Variants in PLOD1 observed in about 807,000 individuals in gnomAD.
PLOD1 encodes the protein lysine hydroxylase.
Under a neutral mutation model 94.7 loss-of-function variants are expected in PLOD1, and 70 were observed. The observed-to-expected ratio is 0.74, with a 90% CI of 0.61 to 0.90. The LOEUF (loss-of-function observed/expected upper bound fraction) is 0.90, where lower values mean the gene tolerates loss of function less well. Ranked by LOEUF, PLOD1 falls within the 40% of genes least tolerant of loss-of-function variation. PLOD1 has a pLI of 0.00. For synonymous variants in PLOD1, 417 were observed against 400.2 expected (o/e 1.04, Z -0.50); for missense variants, 905 against 972.7 (o/e 0.93, Z 0.93).
At position 11,963,746 on chromosome 1, in the gene PLOD1, CT is replaced by C; in HGVS notation, c.1202+115del. The stretch of plus-strand genomic sequence containing the variant: ...TCCTCATCCACCTCCTCTTCCTCCT[CT>C]TTTTCCTTCTCCTGCTCCTCTTTCT... On this transcript the variant is annotated intron_variant, in intron 11 of 18. Coordinates refer to ENST00000196061, the MANE Select transcript of PLOD1 (RefSeq NM_000302.4). The surrounding 1 kb of genome is among the most constrained non-coding windows in gnomAD (Gnocchi z 4.3). The C allele has an allele frequency of 1.4e-6, 1 of 724,084 alleles. No individual in the cohort carries two copies. Among genetic ancestry groups the C allele is most frequent in the East Asian group, 2.7e-5 (1 of 37,468 alleles). 44.9% of individuals were successfully genotyped at this position (724,084 alleles called of 1,614,324 possible).
Position 11,974,963 on chromosome 1 carries a change from A to G in PLOD1, c.*155A>G. Reference sequence around the variant, plus strand: ...CCACCAATCAAAGAGATTCAAAGAGATTCCTGCAGGCCAGAGGCGGAACAC... The same window carrying G: ...CCACCAATCAAAGAGATTCAAAGAGGTTCCTGCAGGCCAGAGGCGGAACAC... On this transcript the variant is annotated 3_prime_UTR_variant, in exon 19 of 19. Coordinates refer to ENST00000196061, the MANE Select transcript of PLOD1 (RefSeq NM_000302.4). 2 of 789,552 alleles carry G rather than the reference A, an allele frequency of 2.5e-6. No individual in the cohort carries two copies. The highest frequency in any genetic ancestry group is 4.5e-6 in the Non-Finnish European group (2 of 444,742). 48.9% of individuals were successfully genotyped at this position (789,552 alleles called of 1,614,324 possible).
At chr1:11,935,544 C>CA (rs1645572244) in intron 1 of PLOD1, among the ~76,000 whole-genome samples, 1 of 151,492 alleles carries the variant, frequency 6.6e-6, no homozygotes. Flanking sequence ...ATTTTTGAGA[C>CA]AGAGTCTTGC....
rs757418080 is a variant in PLOD1, at chr1:11,957,067, T to C, written c.741+53T>C. Reference sequence around the variant, plus strand: ...GTGGGAGGGGGCCAGAGCCCTAATTTCATTCTCACTGTGACCCCACAGTGT... The same window carrying C: ...GTGGGAGGGGGCCAGAGCCCTAATTCCATTCTCACTGTGACCCCACAGTGT... On this transcript the variant is annotated intron_variant, in intron 7 of 18. Coordinates refer to ENST00000196061, the MANE Select transcript of PLOD1 (RefSeq NM_000302.4). The surrounding 1 kb of genome is among the most constrained non-coding windows in gnomAD (Gnocchi z 4.1). 1 of 1,178,720 alleles carries C rather than the reference T, an allele frequency of 8.5e-7. No individual in the cohort carries two copies. Among genetic ancestry groups the C allele is most frequent in the East Asian group, 2.3e-5 (1 of 42,934 alleles). The allele number at this position is 1,178,720 out of a possible 1,614,324, so 73.0% of individuals were successfully genotyped here. A position where few individuals can be genotyped will look rare whatever the true frequency, so the allele number is the denominator to read the frequency against.
chr1:11,935,045 C>T (rs1285579295), intron 1 of PLOD1, among the ~76,000 whole-genome samples, 190 bp downstream of exon 1: 2 of 152,152 alleles, frequency 1.3e-5, no homozygotes, highest in South Asian at 2.1e-4. Context: ...GTTCCTGCTT[C>T]GGGAAGGAAA....
chr1:11,948,034 G>A lies in PLOD1; in HGVS notation c.135G>A (p.Lys45=), dbSNP rs765354146. ...AGACCGAGGGATTCCGTCGCTTCAA[G>A]CGCTCAGCTCAGTTCTTCAACTACA... ...TKETEGFRRF[K]RSAQFFNYKI... The change falls in exon 2 of 19, where the codon AAG becomes AAA. Residue 45 remains lysine, a synonymous_variant. Transcript: ENST00000196061. 86 of 1,613,812 alleles carry A rather than the reference G, an allele frequency of 5.3e-5. No homozygotes were observed. The highest frequency in any genetic ancestry group is 7.2e-5 in the Non-Finnish European group (85 of 1,179,834).
In PLOD1 at chr1:11,966,333, C is replaced by A; in HGVS notation, c.1650+17C>A. On this transcript the variant is annotated intron_variant, in intron 15 of 18. Transcript: ENST00000196061. ...GTGGAGACGGTAAGGGCCATGGACACCCTCTTGGACCAGCCTTGCCTGCTG... is the reference window on the plus strand; with the variant it reads ...GTGGAGACGGTAAGGGCCATGGACAACCTCTTGGACCAGCCTTGCCTGCTG... 1.9e-6 allele frequency: 3 copies of A among 1,585,244 alleles called. No individual in the cohort carries two copies. Among genetic ancestry groups the A allele is most frequent in the Non-Finnish European group, 2.6e-6 (3 of 1,160,124 alleles).
intron 2 of PLOD1, among the ~76,000 whole-genome samples, chr1:11,949,464 G>A (rs1645681661): frequency 6.6e-6 from 1 of 152,136 alleles, no homozygotes; most frequent in Non-Finnish European, 1.5e-5. Context: ...CTGTCTCCCA[G>A]GCTGAAGTGC....
Position 11,958,410 on chromosome 1 carries a change from T to C in PLOD1, c.844-106T>C, listed in dbSNP as rs1645754402. On this transcript the variant is annotated intron_variant, in intron 8 of 18. Coordinates refer to ENST00000196061, the MANE Select transcript of PLOD1 (RefSeq NM_000302.4). The surrounding 1 kb of genome is among the most constrained non-coding windows in gnomAD (Gnocchi z 4.3). ...GCCCGGGCACCTTTCTTGGGAAGTC[T>C]ACATGCTTCTGATTCTGGCTCTGAC... The C allele has an allele frequency of 7.5e-7, 1 of 1,326,988 alleles. No homozygotes were observed. The allele number at this position is 1,326,988 out of a possible 1,614,324, so 82.2% of individuals were successfully genotyped here. A position where few individuals can be genotyped will look rare whatever the true frequency, so the allele number is the denominator to read the frequency against.
intron 16 of PLOD1, among the ~76,000 whole-genome samples, chr1:11,968,104 C>G (rs770644564): frequency 7.9e-5 from 12 of 151,838 alleles, no homozygotes; most frequent in Admixed American, 2.6e-4. Context: ...CAGGCGTGTG[C>G]CACCATCCCT....
At position 11,972,786 on chromosome 1, in the gene PLOD1, C is replaced by A; in HGVS notation, c.1903-86C>A. The A allele has an allele frequency of 6.6e-7, 1 of 1,505,650 alleles. No homozygotes were observed. The highest frequency in any genetic ancestry group is 9.2e-7 in the Non-Finnish European group (1 of 1,082,722). 93.3% of individuals were successfully genotyped at this position (1,505,650 alleles called of 1,614,324 possible). On this transcript the variant is annotated intron_variant, in intron 17 of 18. Coordinates refer to ENST00000196061, the MANE Select transcript of PLOD1 (RefSeq NM_000302.4). This position sits in a 1 kb window ranked among gnomAD's most constrained non-coding sequence, Gnocchi z 4.6. ...TAAGCTGACCTGCAGCAGGCCAGAC[C>A]AGGCCCCATGTGTGCACCCTCCTCT...
chr1:11,934,934 C>G, intron 1 of PLOD1, 79 bp downstream of exon 1: 1 of 1,482,350 alleles, frequency 6.7e-7, no homozygotes, highest in Non-Finnish European at 9.0e-7. Flanking sequence ...TGGGAACGAC[C>G]TGAATGGGAG....
chr1:11,957,739 G>A lies in PLOD1; in HGVS notation c.742-103G>A, dbSNP rs1645748798. The A allele has an allele frequency of 1.2e-6, 1 of 807,278 alleles. No homozygotes were observed. The highest frequency in any genetic ancestry group is 1.3e-5 in the South Asian group (1 of 74,954). 50.0% of individuals were successfully genotyped at this position (807,278 alleles called of 1,614,324 possible). On this transcript the variant is annotated intron_variant, in intron 7 of 18. Coordinates refer to ENST00000196061, the MANE Select transcript of PLOD1 (RefSeq NM_000302.4). This position sits in a 1 kb window ranked among gnomAD's most constrained non-coding sequence, Gnocchi z 4.1. ...CAAGACCCTCTTAGGGAGTGGGAGG[G>A]GGCTGGATGGTGCTGACCCACTGGG...
At position 11,956,900 on chromosome 1, in the gene PLOD1, T is replaced by G. The variant is rs41307745; in HGVS notation, c.644-17T>G. On this transcript the variant is annotated splice_polypyrimidine_tract_variant and intron_variant, in intron 6 of 18. Transcript: ENST00000196061. ...CTGGGTCTGATGCTGGGTGGGACTG[T>G]GCTTTCTGACCCCCAGATGAGGTCG... The G allele has an allele frequency of 0.062, 98,533 of 1,584,836 alleles. 3,855 individuals carry two copies. Among genetic ancestry groups the G allele is most frequent in the East Asian group, 0.15 (6,870 of 44,724 alleles).
At chr1:11,960,102 C>G (rs1811858) in intron 9 of PLOD1, among the ~76,000 whole-genome samples, 39,975 of 151,298 alleles carry the variant, frequency 0.26, 7,818 homozygotes, top group African/African-American at 0.55. Flanking sequence ...CTCCCGAGTA[C>G]CTGGAATTAC....
intron 1 of PLOD1, among the ~76,000 whole-genome samples, chr1:11,939,187 A>T (rs1048426700): frequency 1.3e-5 from 2 of 152,044 alleles, no homozygotes; most frequent in Admixed American, 1.3e-4. Flanking sequence ...GAAGGGTCCC[A>T]GGAGTCAGTC....
chr1:11,947,272 A>C lies in PLOD1; in HGVS notation c.77-704A>C, dbSNP rs368559387. ...AAACAAAAACAAACAAACAAACAAA[A>C]AAAACAACCCAGCTCTCTTGGTCGG... On this transcript the variant is annotated intron_variant, in intron 1 of 18. Transcript: ENST00000196061. 4.5e-3 allele frequency among the ~76,000 whole-genome samples: 665 copies of C among 149,078 alleles called. 3 individuals carry two copies. The highest frequency in any genetic ancestry group is 0.016 in the African/African-American group (632 of 39,488).
chr1:11,972,657 C>A lies in PLOD1; in HGVS notation c.1903-215C>A. On this transcript the variant is annotated intron_variant, in intron 17 of 18. Coordinates refer to ENST00000196061, the MANE Select transcript of PLOD1 (RefSeq NM_000302.4). The surrounding 1 kb of genome is among the most constrained non-coding windows in gnomAD (Gnocchi z 4.6). Reference sequence around the variant, plus strand: ...TTCCTTCCCCTCTGTTCTCTTCCTTCCCTCCCTCTCTCCCCTCTGTCCATA... The same window carrying A: ...TTCCTTCCCCTCTGTTCTCTTCCTTACCTCCCTCTCTCCCCTCTGTCCATA... 6.4e-6 allele frequency: 3 copies of A among 470,800 alleles called. No homozygotes were observed. The highest frequency in any genetic ancestry group is 4.0e-6 in the Non-Finnish European group (1 of 251,766). 29.2% of individuals were successfully genotyped at this position (470,800 alleles called of 1,614,324 possible). A position where few individuals can be genotyped will look rare whatever the true frequency, so the allele number is the denominator to read the frequency against.
Position 11,970,700 on chromosome 1 carries a change from G to A in PLOD1, c.1786G>A (p.Val596Met), listed in dbSNP as rs149654030. The A allele has an allele frequency of 1.8e-5, 29 of 1,613,070 alleles. No homozygotes were observed. Among genetic ancestry groups the A allele is most frequent in the Non-Finnish European group, 2.4e-5 (28 of 1,179,946 alleles). The change falls in exon 17 of 19, where the codon GTG (valine) becomes ATG (methionine). Residue 596 changes from valine to methionine, a missense_variant. Val to Met is a conservative substitution (Grantham distance 21). Coordinates refer to ENST00000196061, the MANE Select transcript of PLOD1 (RefSeq NM_000302.4). ...CCGCATCCAGGGTGGCTACGAGAAC[G>A]TGCCGACTATTGACATCCACATGAA... ...DNRIQGGYEN[V>M]PTIDIHMNQI...
chr1:11,974,217 GAC>G (rs1645886277), intron 18 of PLOD1, among the ~76,000 whole-genome samples: 1 of 149,006 alleles, frequency 6.7e-6, no homozygotes, highest in Admixed American at 6.7e-5. Context: ...TTTTTTTTGA[GAC>G]AGTCTCATTC....
Sources: gnomAD v4.1 joint callset for allele counts (sites outside exome capture counted in the v4.1 genomes callset) on GRCh38, gnomAD v4.1.1 for gene constraint, Gnocchi (gnomAD v3.1) non-coding constraint, MANE v1.5 for transcripts, NCBI Gene and HGNC (gene_info 2026-07-23, HGNC 2026-07-21) for gene names.